The following GDF6 variants were observed in gnomAD, a reference collection of about 807,000 sequenced individuals.
GDF6 encodes growth differentiation factor 6, also known as growth/differentiation factor 6.
Under a neutral mutation model 32.4 loss-of-function variants are expected in GDF6, and 3 were observed. That is an observed-to-expected ratio of 0.09 (90% CI 0.04 to 0.24). The LOEUF is 0.24. Among genes scored for constraint, GDF6 ranks in the 10% least tolerant of loss-of-function variants. The pLI, the probability that GDF6 is intolerant of heterozygous loss-of-function variation, is 1.00. For synonymous variants in GDF6, 296 were observed against 295.3 expected (o/e 1.00, Z -0.03); for missense variants, 589 against 637.9 (o/e 0.92, Z 0.83).
intron 1 of GDF6, among the ~76,000 whole-genome samples, chr8:96,156,928 G>A (rs954637112): frequency 1.3e-5 from 2 of 152,172 alleles, no homozygotes; most frequent in African/African-American, 2.4e-5. Flanking sequence ...CAGTGCTCTA[G>A]TTAAACATGC....
In GDF6 at chr8:96,144,737, G is replaced by T. The variant is rs767633784; in HGVS notation, c.1194C>A (p.Thr398=). Reference sequence around the variant, plus strand: ...TCAGCGTCTGGATGATGGCGTGGTTGGTGGGCTCCAGGTGCGAGCGCAGCG... The same window carrying T: ...TCAGCGTCTGGATGATGGCGTGGTTTGTGGGCTCCAGGTGCGAGCGCAGCG... The part of the protein sequence containing the change: ...DFPLRSHLEP[T]NHAIIQTLMN... The change falls in exon 2 of 2, where the codon ACC becomes ACA. Residue 398 remains threonine, a synonymous_variant. Coordinates refer to ENST00000287020, the MANE Select transcript of GDF6 (RefSeq NM_001001557.4). The surrounding 1 kb of genome is among the most constrained non-coding windows in gnomAD (Gnocchi z 5.1). 2 of 1,614,174 alleles carry T rather than the reference G, an allele frequency of 1.2e-6. No homozygotes were observed. The highest frequency in any genetic ancestry group is 1.7e-6 in the Non-Finnish European group (2 of 1,180,026).
chr8:96,156,938 C>T (rs1413318222), intron 1 of GDF6, among the ~76,000 whole-genome samples: 1 of 152,188 alleles, frequency 6.6e-6, no homozygotes, highest in African/African-American at 2.4e-5. Context: ...GTTAAACATG[C>T]AGGGTCTCGA....
At chr8:96,152,678 C>T (rs1295986547) in intron 1 of GDF6, among the ~76,000 whole-genome samples, 1 of 152,210 alleles carries the variant, frequency 6.6e-6, no homozygotes. Flanking sequence ...TCCTTCTCAT[C>T]ACACATTCAC....
chr8:96,151,798 T>G (rs1165463570), intron 1 of GDF6, among the ~76,000 whole-genome samples: 1 of 152,160 alleles, frequency 6.6e-6, no homozygotes, highest in Non-Finnish European at 1.5e-5. Flanking sequence ...GACATAAATT[T>G]GAGTCCTGAT....
intron 1 of GDF6, among the ~76,000 whole-genome samples, chr8:96,157,929 G>A (rs1024307446): frequency 6.6e-6 from 1 of 152,132 alleles, no homozygotes; most frequent in South Asian, 2.1e-4. Flanking sequence ...TTATCAAGCT[G>A]GGGCTGCAGC....
chr8:96,145,514 C>T lies in GDF6; in HGVS notation c.417G>A (p.Ser139=). The stretch of plus-strand genomic sequence containing the variant: ...ACTTCTGTCTCCGGAGAGGAGTGTG[C>T]GAGAGATCGTCTGCGAGATAAAAAA... The part of the protein sequence containing the change: ...SFVDRGLDDL[S]HTPLRRQKYL... The change falls in exon 2 of 2, where the codon TCG becomes TCA. Residue 139 remains serine (S), a synonymous_variant. Transcript: ENST00000287020. The surrounding 1 kb of genome is among the most constrained non-coding windows in gnomAD (Gnocchi z 5.6). The T allele has an allele frequency of 6.3e-7, 1 of 1,597,880 alleles. No individual in the cohort carries two copies. Among genetic ancestry groups the T allele is most frequent in the Non-Finnish European group, 8.5e-7 (1 of 1,179,612 alleles).
In GDF6 at chr8:96,147,424, G is replaced by GTAC. The variant is rs994900130; in HGVS notation, c.407-1903_407-1901dup. Among the ~76,000 whole-genome samples, 10 of 152,338 alleles carry GTAC rather than the reference G, an allele frequency of 6.6e-5. No individual in the cohort carries two copies. In the East Asian group the frequency reaches 1.9e-3, roughly 29 times the overall value. ...TCAGCCTCCACCCAGATCTCTGGAC[G>GTAC]TACTGCCTTAGGCTTGGCTTCCTGC... On this transcript the variant is annotated intron_variant, in intron 1 of 1. Coordinates refer to ENST00000287020, the MANE Select transcript of GDF6 (RefSeq NM_001001557.4).
rs932354544 is a variant in GDF6 at position 96,143,647 on chromosome 8, C to T, written c.*916G>A. The T allele has an allele frequency of 6.5e-6, 1 of 152,700 alleles. No individual in the cohort carries two copies. The highest frequency in any genetic ancestry group is 2.4e-5 in the African/African-American group (1 of 41,460). The allele number at this position is 152,700 out of a possible 1,614,324, so 9.5% of individuals were successfully genotyped here. On this transcript the variant is annotated 3_prime_UTR_variant, in exon 2 of 2. Coordinates refer to ENST00000287020, the MANE Select transcript of GDF6 (RefSeq NM_001001557.4). ...TCAGAAAGGGCATTTGGGTGGGCTA[C>T]CTCCAGCCTGGGCTAATGCACCTCC...
intron 1 of GDF6, among the ~76,000 whole-genome samples, chr8:96,152,094 C>T (rs565394209): frequency 7.6e-4 from 116 of 152,334 alleles, no homozygotes; most frequent in African/African-American, 2.7e-3. Flanking sequence ...GTCCACTTCT[C>T]TCCACAAGAT....
chr8:96,156,783 G>A (rs1201264562), intron 1 of GDF6, among the ~76,000 whole-genome samples: 3 of 152,194 alleles, frequency 2.0e-5, no homozygotes, highest in Non-Finnish European at 2.9e-5. Context: ...CTCACATCTA[G>A]TTTCACTCAC....
At chr8:96,147,934 A>G (rs573370895) in intron 1 of GDF6, among the ~76,000 whole-genome samples, 131 of 152,366 alleles carry the variant, frequency 8.6e-4, no homozygotes, top group African/African-American at 3.1e-3. Context: ...GCAGGTGTAA[A>G]GAATTATGAT....
intron 1 of GDF6, among the ~76,000 whole-genome samples, chr8:96,146,575 A>G (rs1406042818): frequency 6.6e-6 from 1 of 152,050 alleles, no homozygotes; most frequent in Non-Finnish European, 1.5e-5. Flanking sequence ...ACAAACACAC[A>G]CACCTTGCAT....
chr8:96,158,679 C>T (rs528928835), intron 1 of GDF6, among the ~76,000 whole-genome samples: 1 of 152,250 alleles, frequency 6.6e-6, no homozygotes, highest in Non-Finnish European at 1.5e-5. Context: ...AGAAAGTGCA[C>T]GATTAACAGA....
chr8:96,156,768 A>C (rs1412439328), intron 1 of GDF6, among the ~76,000 whole-genome samples: 1 of 152,240 alleles, frequency 6.6e-6, no homozygotes, highest in Non-Finnish European at 1.5e-5. Context: ...ACCAAAATTC[A>C]GACCCTCACA....
At position 96,144,089 on chromosome 8, in the gene GDF6, T is replaced by C. The variant is rs1260270028; in HGVS notation, c.*474A>G. 5.3e-6 allele frequency: 1 copy of C among 187,712 alleles called. No individual in the cohort carries two copies. Among genetic ancestry groups the C allele is most frequent in the Admixed American group, 5.3e-5 (1 of 18,762 alleles). The allele number at this position is 187,712 out of a possible 1,614,324, so 11.6% of individuals were successfully genotyped here. A position where few individuals can be genotyped will look rare whatever the true frequency, so the allele number is the denominator to read the frequency against. On this transcript the variant is annotated 3_prime_UTR_variant, in exon 2 of 2. Coordinates refer to ENST00000287020, the MANE Select transcript of GDF6 (RefSeq NM_001001557.4). The surrounding 1 kb of genome is among the most constrained non-coding windows in gnomAD (Gnocchi z 5.1). ...CATGTAAAAACCAACCAAATCAAGATGCGTCAACGGTGATTCTTCCTCCCA... is the reference window on the plus strand; with the variant it reads ...CATGTAAAAACCAACCAAATCAAGACGCGTCAACGGTGATTCTTCCTCCCA...
rs373874632 is a variant in GDF6, at chr8:96,153,482, C to T, written c.406+6805G>A. On this transcript the variant is annotated intron_variant, in intron 1 of 1. Transcript: ENST00000287020. ...CACTGAGGCGCGCACGCGGCCTGCC[C>T]TTCCCCTGGGGCCGGGACCTGGGGG... 5.8e-4 allele frequency among the ~76,000 whole-genome samples: 89 copies of T among 152,348 alleles called. No individual in the cohort carries two copies. In the South Asian group the frequency reaches 0.018, roughly 30 times the overall value.
At chr8:96,158,404 T>C (rs1018569637) in intron 1 of GDF6, among the ~76,000 whole-genome samples, 4 of 152,148 alleles carry the variant, frequency 2.6e-5, no homozygotes, top group Non-Finnish European at 5.9e-5. Context: ...TCCCCAACCC[T>C]TGTCTGAATG....
rs1046958453 is a variant in GDF6, at chr8:96,145,864, C to T, written c.407-340G>A. Among the ~76,000 whole-genome samples, 6 of 152,272 alleles carry T rather than the reference C, an allele frequency of 3.9e-5. No homozygotes were observed. Among genetic ancestry groups the T allele is most frequent in the Admixed American group, 1.3e-4 (2 of 15,304 alleles). On this transcript the variant is annotated intron_variant, in intron 1 of 1. Transcript: ENST00000287020. The surrounding 1 kb of genome is among the most constrained non-coding windows in gnomAD (Gnocchi z 5.6). ...GCCCTTTGTGGTCTCAAGCCTGGGC[C>T]GCGTTTCCCCTAGACCTCCTCTGGG...
intron 1 of GDF6, among the ~76,000 whole-genome samples, chr8:96,147,347 C>T (rs371650006): frequency 3.9e-5 from 6 of 152,184 alleles, no homozygotes; most frequent in Non-Finnish European, 8.8e-5. Flanking sequence ...TAAAATCAGG[C>T]GGAATTCAGC....
Sources: allele counts gnomAD v4.1 joint callset (sites outside exome capture counted in the v4.1 genomes callset), GRCh38; gene constraint gnomAD v4.1.1; non-coding constraint Gnocchi (gnomAD v3.1); transcripts MANE v1.5; gene names NCBI Gene and HGNC (gene_info 2026-07-23, HGNC 2026-07-21).